Variants in CP observed in about 807,000 individuals in gnomAD.
CP encodes the protein caeruloplasmin.
A neutral mutation model predicts 122.4 loss-of-function variants in CP; 64 were observed. The observed-to-expected ratio is 0.52, with a 90% confidence interval of 0.43 to 0.64. CP has a LOEUF of 0.64. CP is among the 30% of genes least tolerant of loss of function. CP has a pLI of 0.00. For synonymous variants in CP, 440 were observed against 436.4 expected (o/e 1.01, Z -0.10); for missense variants, 1,167 against 1,284.4 (o/e 0.91, Z 1.40).
Position 149,176,237 on chromosome 3 carries a change from C to T in CP, c.3181+13G>A. The T allele has an allele frequency of 6.2e-7, 1 of 1,610,842 alleles. No homozygotes were observed. Among genetic ancestry groups the T allele is most frequent in the East Asian group, 2.2e-5 (1 of 44,854 alleles). On this transcript the variant is annotated intron_variant, in intron 18 of 18. Coordinates refer to ENST00000264613, the MANE Select transcript of CP (RefSeq NM_000096.4). ...TTATATATGGCTTCTAGAATTACTA[C>T]CTGGATATTCACCTTCATTTTGTAG...
intron 1 of CP, among the ~76,000 whole-genome samples, chr3:149,214,402 C>T (rs1484012842): frequency 6.6e-6 from 1 of 152,062 alleles, no homozygotes; most frequent in East Asian, 1.9e-4. Context: ...TAGTCACTAC[C>T]ATATACCAAT....
intron 4 of CP, chr3:149,166,916 C>T (rs774698810): frequency 1.3e-6 from 1 of 789,080 alleles, no homozygotes; most frequent in Admixed American, 1.8e-5. Flanking sequence ...TCTAATATGG[C>T]ATTCTTTCTA....
chr3:149,172,392 C>T (rs182666670), downstream of CP: 5,322 of 583,256 alleles, frequency 9.1e-3, 39 homozygotes, highest in Non-Finnish European at 0.013. Context: ...GCTTACCTTA[C>T]CGTGTAGTGG....
Position 149,183,505 on chromosome 3 carries a change from CT to C in CP, c.2385del (p.Val796TrpfsTer13). ...TGTTCTTCTTCAGCTTTTCTCTCCA[CT>C]GGAACACGGAATGTGCTATCAGTAT... ...RQYTDSTFRV[P>X]VERKAEEEHL... On this transcript the variant is annotated frameshift_variant, in exon 13 of 19. Transcript: ENST00000264613. LOFTEE classifies it high-confidence loss of function. 6.2e-7 allele frequency: 1 copy of C among 1,611,806 alleles called. No homozygotes were observed. The highest frequency in any genetic ancestry group is 1.1e-5 in the South Asian group (1 of 90,972).
At chr3:149,181,976 A>ACAAACCCCC in intron 14 of CP, 29 bp downstream of exon 14, 1 of 561,808 alleles carries the variant, frequency 1.8e-6, no homozygotes, top group Non-Finnish European at 3.3e-6. Flanking sequence ...GTTAAAATGC[A>ACAAACCCCC]CCACCCCCAC....
intron 1 of CP, among the ~76,000 whole-genome samples, chr3:149,215,910 A>G (rs886856290): frequency 3.3e-5 from 5 of 152,192 alleles, no homozygotes; most frequent in Admixed American, 6.5e-5. Context: ...GCCCGCTCCT[A>G]TAATTTCTGG....
In CP at chr3:149,199,695, C is replaced by T; in HGVS notation, c.1501+17G>A. ...TATTAAACATTGTTGATTTGTTACACAGTGCTGTATACTCACTTCTGCTCT... is the reference window on the plus strand; with the variant it reads ...TATTAAACATTGTTGATTTGTTACATAGTGCTGTATACTCACTTCTGCTCT... On this transcript the variant is annotated intron_variant, in intron 8 of 18. Transcript: ENST00000264613. 1.2e-6 allele frequency: 2 copies of T among 1,613,758 alleles called. No individual in the cohort carries two copies. Among genetic ancestry groups the T allele is most frequent in the Non-Finnish European group, 1.7e-6 (2 of 1,179,914 alleles).
At chr3:149,197,957 C>T (rs924987271) in intron 9 of CP, among the ~76,000 whole-genome samples, 15 of 151,994 alleles carry the variant, frequency 9.9e-5, no homozygotes, top group African/African-American at 3.4e-4. Context: ...TGTTGGGGAC[C>T]CCTGTGTTAA....
In CP at chr3:149,188,494, A is replaced by C. The variant is rs1164647348; in HGVS notation, c.1714-292T>G. ...GTGCATACCAATTGAAGCCTCCAAAAAAAAAAAAAAAAAAAAAAAAAAAAA... is the reference window on the plus strand; with the variant it reads ...GTGCATACCAATTGAAGCCTCCAAACAAAAAAAAAAAAAAAAAAAAAAAAA... On this transcript the variant is annotated intron_variant, in intron 9 of 18. Transcript: ENST00000264613. Among the ~76,000 whole-genome samples, 784 of 120,332 alleles carry C rather than the reference A, an allele frequency of 6.5e-3. 19 individuals are homozygous for C. The highest frequency in any genetic ancestry group is 0.03 in the African/African-American group (744 of 24,938). The allele number at this position is 120,332 out of a possible 152,430, so 78.9% of individuals were successfully genotyped here. A position where few individuals can be genotyped will look rare whatever the true frequency, so the allele number is the denominator to read the frequency against.
intron 11 of CP, among the ~76,000 whole-genome samples, chr3:149,185,770 C>G (rs988450477): frequency 1.3e-5 from 2 of 152,146 alleles, no homozygotes; most frequent in African/African-American, 4.8e-5. Context: ...AGTCACCATC[C>G]CCTTCCTCTG....
intron 6 of CP, among the ~76,000 whole-genome samples, chr3:149,202,581 T>G (rs1002929616): frequency 6.6e-5 from 10 of 151,690 alleles, no homozygotes; most frequent in South Asian, 2.1e-4. Context: ...TGGCTAGTTT[T>G]TTGTTGTTGT....
At chr3:149,187,585 A>G (rs1006821972) in intron 10 of CP, among the ~76,000 whole-genome samples, 2 of 152,214 alleles carry the variant, frequency 1.3e-5, no homozygotes, top group African/African-American at 4.8e-5. Context: ...GAGGGCTGAG[A>G]TCATATCTTT....
chr3:149,217,535 C>T (rs1728547017), intron 1 of CP, among the ~76,000 whole-genome samples: 1 of 152,136 alleles, frequency 6.6e-6, no homozygotes, highest in Non-Finnish European at 1.5e-5. Context: ...ATTTCTTAGT[C>T]TGAGAATACG....
At chr3:149,194,282 A>AG (rs201998764) in intron 9 of CP, among the ~76,000 whole-genome samples, 2,379 of 149,738 alleles carry the variant, frequency 0.016, 68 homozygotes, top group African/African-American at 0.054. Context: ...TTTGTCCCCC[A>AG]GGTTAGAGTG....
At chr3:149,167,064 G>A in intron 4 of CP, 1 of 1,613,518 alleles carries the variant, frequency 6.2e-7, no homozygotes, top group Non-Finnish European at 8.5e-7. Context: ...ATTTGACATA[G>A]CTTCCATTAT....
intron 5 of CP, 122 bp downstream of exon 5, chr3:149,207,241 G>T: frequency 1.8e-6 from 2 of 1,091,094 alleles, no homozygotes; most frequent in Non-Finnish European, 2.8e-6. Context: ...TACCATCATA[G>T]GGATAAAACT....
chr3:149,174,122 C>T (rs368245445), intron 18 of CP, among the ~76,000 whole-genome samples: 4 of 152,216 alleles, frequency 2.6e-5, no homozygotes, highest in Non-Finnish European at 2.9e-5. Flanking sequence ...TAACCTAAAT[C>T]TAATCATAAG....
chr3:149,183,661 G>A (rs553444250), intron 12 of CP, 56 bp from the exon 13 acceptor site: 15 of 1,236,632 alleles, frequency 1.2e-5, no homozygotes, highest in Non-Finnish European at 1.7e-5. Context: ...TGTAACTTAA[G>A]TTTTAAACTT....
At position 149,199,749 on chromosome 3, in the gene CP, G is replaced by A. The variant is rs1161320170; in HGVS notation, c.1464C>T (p.Gly488=). ...GGTTGTAATTTGGGGAATAGTATGT[G>A]CCCTCGTTGTTCTTATTGAATCTCA... The part of the protein sequence containing the change: ...IGVRFNKNNE[G]TYYSPNYNPQ... Residue 488 remains glycine (G), a synonymous_variant, in exon 8 of 19, where the codon GGC becomes GGT. Coordinates refer to ENST00000264613, the MANE Select transcript of CP (RefSeq NM_000096.4). 2.5e-6 allele frequency: 4 copies of A among 1,614,130 alleles called. No homozygotes were observed. In the South Asian group the frequency reaches 4.4e-5, roughly 18 times the overall value.
Sources: allele counts gnomAD v4.1 joint callset (sites outside exome capture counted in the v4.1 genomes callset), GRCh38; gene constraint gnomAD v4.1.1; transcripts MANE v1.5; gene names NCBI Gene and HGNC (gene_info 2026-07-23, HGNC 2026-07-21).